Variants in ELN observed in about 807,000 individuals in gnomAD.
ELN encodes tropoelastin.
Under a neutral mutation model 105.8 loss-of-function variants are expected in ELN, and 65 were observed. That is an observed-to-expected ratio of 0.61 (90% CI 0.50 to 0.75). ELN has a LOEUF of 0.75. ELN is among the 30% of genes least tolerant of loss of function. The probability of loss-of-function intolerance (pLI) is 0.00; values close to 1 mark genes in which losing one functional copy is unlikely to be tolerated. For missense variants in ELN, 882 were observed against 969.4 expected (o/e 0.91, Z 1.20); for synonymous variants, 368 against 389.2 (o/e 0.95, Z 0.64).
Position 74,060,154 on chromosome 7 carries a change from G to T in ELN, c.1591G>T (p.Ala531Ser), listed in dbSNP as rs137987089. Residue 531 changes from alanine to serine, a missense_variant, in exon 24 of 33, where the codon GCT becomes TCT. Transcript: ENST00000252034. The stretch of plus-strand genomic sequence containing the variant: ...CCCTCCCTCAGCTGCAGCAAAATCC[G>T]CTGCCAAGGTGGCTGCCAAAGCCCA... ...PGGVAAAAKS[A>S]AKVAAKAQLR... is the part of the protein sequence containing the mutation. The T allele has an allele frequency of 1.8e-5, 29 of 1,613,932 alleles. No homozygotes were observed. The African/African-American group carries it at 3.6e-4, about 20-fold the overall frequency.
chr7:74,045,201 C>G (rs1426610402), intron 9 of ELN, 21 bp from the exon 10 acceptor site: 15 of 1,613,672 alleles, frequency 9.3e-6, no homozygotes, highest in Non-Finnish European at 1.2e-5. Context: ...TTCCTACACT[C>G]ACTGCTTTGT....
At chr7:74,028,962 G>C (rs947671314) in intron 1 of ELN, among the ~76,000 whole-genome samples, 2 of 152,280 alleles carry the variant, frequency 1.3e-5, no homozygotes, top group Non-Finnish European at 2.9e-5. Flanking sequence ...CAGATGCCCG[G>C]CTGTGTCACT....
At chr7:74,056,122 T>G in intron 19 of ELN, 149 bp from the exon 20 acceptor site, 1 of 1,007,208 alleles carries the variant, frequency 9.9e-7, no homozygotes, top group Non-Finnish European at 1.5e-6. Context: ...GTGGAGGTGC[T>G]GGGGACCCAG....
intron 9 of ELN, 80 bp from the exon 10 acceptor site, chr7:74,045,142 G>A (rs1792164105): frequency 1.3e-6 from 2 of 1,547,668 alleles, no homozygotes; most frequent in African/African-American, 2.7e-5. Context: ...AGGTCAGCTG[G>A]GGGACCCGAG....
chr7:74,029,690 C>A (rs888496998), intron 1 of ELN, among the ~76,000 whole-genome samples: 9 of 152,186 alleles, frequency 5.9e-5, no homozygotes, highest in African/African-American at 1.4e-4. Context: ...GGGCAACGAG[C>A]CAGGGCCTGA....
chr7:74,046,884 G>C, intron 12 of ELN, 117 bp downstream of exon 12: 1 of 1,187,850 alleles, frequency 8.4e-7, no homozygotes, highest in East Asian at 2.5e-5. Flanking sequence ...AGGAGTTCAA[G>C]ACTAGCCTGG....
chr7:74,056,688 A>AGCTGCCGCCAAG lies in ELN; in HGVS notation c.1339_1350dup (p.Ala447_Ala450dup), dbSNP rs1280092584. The AGCTGCCGCCAAG allele has an allele frequency of 6.2e-7, 1 of 1,613,890 alleles. No homozygotes were observed. Among genetic ancestry groups the AGCTGCCGCCAAG allele is most frequent in the African/African-American group, 1.3e-5 (1 of 75,046 alleles). Reference sequence around the variant, plus strand: ...TCCTTGTAGCCGAAGCTCAGGCAGCAGCTGCCGCCAAGGCTGCCAAGTACG... The same window carrying AGCTGCCGCCAAG: ...TCCTTGTAGCCGAAGCTCAGGCAGCAGCTGCCGCCAAGGCTGCCGCCAAGGCTGCCAAGTACG... On this transcript the variant is annotated inframe_insertion, in exon 21 of 33. Coordinates refer to ENST00000252034, the MANE Select transcript of ELN (RefSeq NM_000501.4).
intron 29 of ELN, among the ~76,000 whole-genome samples, 181 bp from the exon 30 acceptor site, chr7:74,065,513 C>T (rs1016016105): frequency 2.0e-5 from 3 of 151,334 alleles, no homozygotes; most frequent in Non-Finnish European, 4.4e-5. Context: ...GCTCAGGAGG[C>T]TGAGGCAGGA....
chr7:74,062,356 G>C (rs1472642070), intron 26 of ELN: 1 of 152,266 alleles, frequency 6.6e-6, no homozygotes, highest in Admixed American at 6.5e-5. Context: ...GAAGGGCGCA[G>C]GCTCCCCAGC....
chr7:74,054,880 C>A, intron 19 of ELN, 111 bp downstream of exon 19: 1 of 1,190,062 alleles, frequency 8.4e-7, no homozygotes, highest in Non-Finnish European at 1.2e-6. Flanking sequence ...CCCAAGGTCA[C>A]CGAGCAAGTC....
intron 2 of ELN, chr7:74,035,734 T>C (rs1180249630): frequency 4.5e-5 from 19 of 425,156 alleles, no homozygotes; most frequent in African/African-American, 3.6e-4. Flanking sequence ...AAATTTAAAA[T>C]TAGCCATGTT....
At chr7:74,029,676 G>A (rs1788233834) in intron 1 of ELN, among the ~76,000 whole-genome samples, 1 of 152,206 alleles carries the variant, frequency 6.6e-6, no homozygotes, top group African/African-American at 2.4e-5. Context: ...GCGGGCCCCA[G>A]CAGGGGCAAC....
At position 74,059,897 on chromosome 7, in the gene ELN, G is replaced by A. The variant is rs782378090; in HGVS notation, c.1426G>A (p.Gly476Ser). 1.5e-6 allele frequency: 2 copies of A among 1,337,010 alleles called. No homozygotes were observed. Among genetic ancestry groups the A allele is most frequent in the South Asian group, 2.3e-5 (2 of 85,658 alleles). 82.8% of individuals were successfully genotyped at this position (1,337,010 alleles called of 1,614,324 possible). A position where few individuals can be genotyped will look rare whatever the true frequency, so the allele number is the denominator to read the frequency against. ...AKAAQFGLVPGVGVAPGVGVA... is the reference protein window; with the variant it reads ...AKAAQFGLVPSVGVAPGVGVA... ...TCTCAATCTTGCAGGGTTAGTTCCT[G>A]GTGTCGGCGTGGCTCCTGGAGTTGG... The change falls in exon 23 of 33, where the codon GGT becomes AGT. Residue 476 changes from glycine to serine, a missense_variant. Coordinates refer to ENST00000252034, the MANE Select transcript of ELN (RefSeq NM_000501.4).
In ELN at chr7:74,048,515, AGGC is replaced by A; in HGVS notation, c.759_761del (p.Ala260del). On this transcript the variant is annotated inframe_deletion, in exon 15 of 33. Transcript: ENST00000252034. ...TTCCTTCCCCCAGGGGTTGGCCCCCAGGCAGCAGCAGCAGCGGCAGCTAAAGCA... is the reference window on the plus strand; with the variant it reads ...TTCCTTCCCCCAGGGGTTGGCCCCCAAGCAGCAGCAGCGGCAGCTAAAGCA... The A allele has an allele frequency of 6.2e-7, 1 of 1,613,996 alleles. No homozygotes were observed. The highest frequency in any genetic ancestry group is 1.6e-4 in the Middle Eastern group (1 of 6,062).
Position 74,057,634 on chromosome 7 carries a change from C to T in ELN, c.1358-6C>T. The T allele has an allele frequency of 1.2e-6, 2 of 1,614,088 alleles. No individual in the cohort carries two copies. Among genetic ancestry groups the T allele is most frequent in the Non-Finnish European group, 1.7e-6 (2 of 1,180,018 alleles). On this transcript the variant is annotated splice_region_variant and splice_polypyrimidine_tract_variant and intron_variant, in intron 21 of 32. Coordinates refer to ENST00000252034, the MANE Select transcript of ELN (RefSeq NM_000501.4). ...ACTCTCTCACCCCTTCTCTTCACAC[C>T]TCCAGGAGTGGGGACCCCAGCAGCT...
In ELN at chr7:74,057,364, A is replaced by G. The variant is rs782067260; in HGVS notation, c.1358-276A>G. 4.0e-6 allele frequency: 6 copies of G among 1,484,978 alleles called. No individual in the cohort carries two copies. Among genetic ancestry groups the G allele is most frequent in the African/African-American group, 1.4e-5 (1 of 71,324 alleles). 92.0% of individuals were successfully genotyped at this position (1,484,978 alleles called of 1,614,324 possible). A position where few individuals can be genotyped will look rare whatever the true frequency, so the allele number is the denominator to read the frequency against. ...GAGTACTGGGAGGGGCAAGGCTGAAAGTTCTCCACTCCCCGAGGTGCTGCA... is the reference window on the plus strand; with the variant it reads ...GAGTACTGGGAGGGGCAAGGCTGAAGGTTCTCCACTCCCCGAGGTGCTGCA... On this transcript the variant is annotated intron_variant, in intron 21 of 32. Transcript: ENST00000252034.
Position 74,063,680 on chromosome 7 carries a change from G to T in ELN, c.1978G>T (p.Val660Phe). 1.2e-6 allele frequency: 2 copies of T among 1,614,206 alleles called. No individual in the cohort carries two copies. Among genetic ancestry groups the T allele is most frequent in the Non-Finnish European group, 1.7e-6 (2 of 1,180,032 alleles). Residue 660 changes from valine (V) to phenylalanine (F), a missense_variant, in exon 29 of 33, where the codon GTT becomes TTT. Physicochemically the swap from Val to Phe is conservative, Grantham distance 50. Coordinates refer to ENST00000252034, the MANE Select transcript of ELN (RefSeq NM_000501.4). This position sits in a 1 kb window ranked among gnomAD's most constrained non-coding sequence, Gnocchi z 4.1. ...LGVGGLGVPG[V>F]GGLGGIPPAA... ...AGTCGGAGGGCTTGGAGTTCCAGGT[G>T]TTGGGGGCCTTGGAGGTGAGAGTTG...
At chr7:74,056,242 T>C (rs782819701) in intron 19 of ELN, 29 bp from the exon 20 acceptor site, 2 of 1,614,218 alleles carry the variant, frequency 1.2e-6, no homozygotes, top group Non-Finnish European at 1.7e-6. Flanking sequence ...ACTGAGCTTC[T>C]TTTCTACTTG....
chr7:74,035,143 C>T (rs540986002), intron 1 of ELN, among the ~76,000 whole-genome samples: 2 of 152,342 alleles, frequency 1.3e-5, no homozygotes, highest in South Asian at 4.1e-4. Flanking sequence ...CCCTGCCCTT[C>T]CAACTTCACA....
Sources: gnomAD v4.1 joint callset for allele counts (sites outside exome capture counted in the v4.1 genomes callset) on GRCh38, gnomAD v4.1.1 for gene constraint, Gnocchi (gnomAD v3.1) non-coding constraint, MANE v1.5 for transcripts, NCBI Gene and HGNC (gene_info 2026-07-23, HGNC 2026-07-21) for gene names.